The following NTN4 variants were observed in gnomAD, a reference collection of about 807,000 sequenced individuals.
The protein encoded by NTN4 is netrin 4.
In NTN4, 32 loss-of-function variants were observed where a neutral mutation model predicts 73.6. The ratio of observed to expected loss-of-function variants is 0.44; its 90% CI spans 0.33 to 0.58. The LOEUF (loss-of-function observed/expected upper bound fraction) is 0.58, where lower values mean the gene tolerates loss of function less well. NTN4 is among the 20% of genes least tolerant of loss of function. NTN4 has a pLI of 0.04. For synonymous variants in NTN4, 258 were observed against 287.5 expected (o/e 0.90, Z 1.04); for missense variants, 654 against 798.3 (o/e 0.82, Z 2.18).
chr12:95,766,069 CAG>C (rs1272984139), intron 2 of NTN4, among the ~76,000 whole-genome samples: 2 of 152,178 alleles, frequency 1.3e-5, no homozygotes, highest in African/African-American at 4.8e-5. Context: ...TACAGAGACT[CAG>C]AAAGACTCAG....
intron 3 of NTN4, among the ~76,000 whole-genome samples, chr12:95,731,604 G>A (rs1388624519): frequency 1.3e-5 from 2 of 152,092 alleles, no homozygotes; most frequent in Non-Finnish European, 2.9e-5. Context: ...GGTGAGAATT[G>A]TCTTTACTCT....
intron 2 of NTN4, among the ~76,000 whole-genome samples, chr12:95,785,847 A>G (rs544044082): frequency 1.3e-5 from 2 of 152,318 alleles, no homozygotes; most frequent in African/African-American, 4.8e-5. Flanking sequence ...ATATATGCCT[A>G]ATCGTCCAGG....
In NTN4 at chr12:95,781,199, T is replaced by A. The variant is rs2121296203; in HGVS notation, c.585+5740A>T. 6.6e-6 allele frequency among the ~76,000 whole-genome samples: 1 copy of A among 152,316 alleles called. No individual in the cohort carries two copies. The highest frequency in any genetic ancestry group is 1.9e-4 in the East Asian group (1 of 5,190). ...GGATAGCATTAAGAGATATACCTTA[T>A]GTAAATGACGAGTTAATGGGTGCAG... On this transcript the variant is annotated intron_variant, in intron 2 of 9. Coordinates refer to ENST00000343702, the MANE Select transcript of NTN4 (RefSeq NM_021229.4). The surrounding 1 kb of genome is among the most constrained non-coding windows in gnomAD (Gnocchi z 4.1).
intron 3 of NTN4, among the ~76,000 whole-genome samples, chr12:95,733,354 G>A (rs1168068972): frequency 6.6e-6 from 1 of 152,182 alleles, no homozygotes; most frequent in Non-Finnish European, 1.5e-5. Context: ...CCTCAGCCTT[G>A]TAAACATGTC....
At chr12:95,688,473 G>C (rs1592665746) in intron 5 of NTN4, among the ~76,000 whole-genome samples, 1 of 152,126 alleles carries the variant, frequency 6.6e-6, no homozygotes, top group East Asian at 1.9e-4. Context: ...TGGAGATAGG[G>C]AAGGAAGGGA....
At chr12:95,777,087 A>G (rs1288759770) in intron 2 of NTN4, among the ~76,000 whole-genome samples, 1 of 152,228 alleles carries the variant, frequency 6.6e-6, no homozygotes, top group Non-Finnish European at 1.5e-5. Flanking sequence ...GAAGAAATAA[A>G]ATCCTTTACA....
chr12:95,705,942 C>T (rs191459976), intron 5 of NTN4, among the ~76,000 whole-genome samples: 30 of 152,274 alleles, frequency 2.0e-4, no homozygotes, highest in African/African-American at 7.2e-4. Context: ...ATTCTAATTG[C>T]TCAAGTTCGT....
chr12:95,665,653 T>C (rs2078173658), intron 9 of NTN4, 157 bp downstream of exon 9: 3 of 535,374 alleles, frequency 5.6e-6, no homozygotes, highest in African/African-American at 3.9e-5. Context: ...TCGATGTTAG[T>C]TCAAAGAATT....
chr12:95,773,373 G>T (rs12298589), intron 2 of NTN4, among the ~76,000 whole-genome samples: 10,283 of 152,234 alleles, frequency 0.068, 1,087 homozygotes, highest in African/African-American at 0.22. Flanking sequence ...ATAACATATG[G>T]TTCAAATTGG....
At chr12:95,734,683 A>G (rs1405429585) in intron 3 of NTN4, among the ~76,000 whole-genome samples, 1 of 152,214 alleles carries the variant, frequency 6.6e-6, no homozygotes, top group Non-Finnish European at 1.5e-5. Context: ...TATGTTCCTA[A>G]TAAGGCAAAA....
rs116672756 is a variant in NTN4 at position 95,717,125 on chromosome 12, T to C, written c.865-3787A>G. On this transcript the variant is annotated intron_variant, in intron 3 of 9. Transcript: ENST00000343702. ...ATGCCTGGCCCTCTTTTCCACTTTT[T>C]AGCAACCGTTTATTGAATACTGTAT... is the stretch of plus-strand genomic sequence containing the variant. 8.9e-3 allele frequency among the ~76,000 whole-genome samples: 1,358 copies of C among 152,262 alleles called. 21 individuals carry two copies. Among genetic ancestry groups the C allele is most frequent in the African/African-American group, 0.031 (1,277 of 41,550 alleles).
At chr12:95,718,621 T>C (rs1023761292) in intron 3 of NTN4, among the ~76,000 whole-genome samples, 1 of 138,958 alleles carries the variant, frequency 7.2e-6, no homozygotes, top group Admixed American at 7.2e-5. Context: ...CACTTACCAA[T>C]GCAGAACATT....
chr12:95,665,050 G>C (rs1299828948), intron 9 of NTN4, among the ~76,000 whole-genome samples: 3 of 151,860 alleles, frequency 2.0e-5, no homozygotes, highest in Non-Finnish European at 2.9e-5. Flanking sequence ...CCATTATCTG[G>C]GTACTAATGG....
chr12:95,665,096 C>T (rs1406521162), intron 9 of NTN4, among the ~76,000 whole-genome samples: 4 of 152,038 alleles, frequency 2.6e-5, no homozygotes, highest in Admixed American at 6.6e-5. Context: ...AAGCCTAAAT[C>T]CCATCCTCAA....
At chr12:95,715,178 G>A (rs1275920425) in intron 3 of NTN4, among the ~76,000 whole-genome samples, 2 of 152,108 alleles carry the variant, frequency 1.3e-5, no homozygotes, top group African/African-American at 2.4e-5. Flanking sequence ...TTCGGGCTGC[G>A]TGTGAGTGAA....
chr12:95,722,104 A>G (rs1376665293), intron 3 of NTN4, among the ~76,000 whole-genome samples: 1 of 151,096 alleles, frequency 6.6e-6, no homozygotes, highest in Non-Finnish European at 1.5e-5. Flanking sequence ...TACAGCTAGA[A>G]CTAAGACCTA....
chr12:95,710,701 AG>A (rs1220767109), intron 4 of NTN4, 72 bp from the exon 5 acceptor site: 2 of 1,425,132 alleles, frequency 1.4e-6, no homozygotes, highest in Non-Finnish European at 9.6e-7. Flanking sequence ...ATATTCAGAT[AG>A]GTAAAAATAG....
intron 2 of NTN4, among the ~76,000 whole-genome samples, chr12:95,771,715 G>A (rs1402880197): frequency 6.6e-6 from 1 of 152,062 alleles, no homozygotes; most frequent in African/African-American, 2.4e-5. Context: ...TGGAATATGA[G>A]GCCCTCAAAA....
chr12:95,728,912 G>A (rs1333139382), intron 3 of NTN4, among the ~76,000 whole-genome samples: 1 of 152,122 alleles, frequency 6.6e-6, no homozygotes, highest in Non-Finnish European at 1.5e-5. Flanking sequence ...TTAAAAGTGT[G>A]TGGAACCTCC....
Sources: allele counts gnomAD v4.1 joint callset (sites outside exome capture counted in the v4.1 genomes callset), GRCh38; gene constraint gnomAD v4.1.1; non-coding constraint Gnocchi (gnomAD v3.1); transcripts MANE v1.5; gene names NCBI Gene and HGNC (gene_info 2026-07-23, HGNC 2026-07-21).